The following PLEKHA7 variants were observed in gnomAD, a reference collection of about 807,000 sequenced individuals.
The protein encoded by PLEKHA7 is pleckstrin homology domain-containing family A member 7.
Under a neutral mutation model 170.0 loss-of-function variants are expected in PLEKHA7, and 104 were observed. The observed-to-expected ratio is 0.61, with a 90% CI of 0.52 to 0.72. The LOEUF is 0.72. Among genes scored for constraint, PLEKHA7 ranks in the 30% least tolerant of loss-of-function variants. The pLI, the probability that PLEKHA7 is intolerant of heterozygous loss-of-function variation, is 0.00. For missense variants in PLEKHA7, 1,615 were observed against 1,671.7 expected, an observed-to-expected ratio of 0.97 and a Z score of 0.59; for synonymous variants, 648 against 660.8, an observed-to-expected ratio of 0.98 and a Z score of 0.30.
In PLEKHA7 at chr11:16,786,372, C is replaced by A; in HGVS notation, c.3373G>T (p.Asp1125Tyr). Residue 1125 changes from aspartate (D) to tyrosine (Y), a missense_variant, in exon 24 of 27, where the codon GAC (aspartate) becomes TAC (tyrosine). Coordinates refer to ENST00000531066, the MANE Select transcript of PLEKHA7 (RefSeq NM_001329630.2). ...GDLGSWKREQDFDLQLLERVV... is the reference protein window; with the variant it reads ...GDLGSWKREQYFDLQLLERVV... Reference sequence around the variant, plus strand: ...CGTTCCAGCAACTGCAGGTCAAAGTCCTGCTCACGCTTCCACTGGCAACAG... The same window carrying A: ...CGTTCCAGCAACTGCAGGTCAAAGTACTGCTCACGCTTCCACTGGCAACAG... The A allele has an allele frequency of 6.5e-7, 1 of 1,536,172 alleles. No homozygotes were observed. Among genetic ancestry groups the A allele is most frequent in the Non-Finnish European group, 8.7e-7 (1 of 1,146,922 alleles).
rs1288210461 is a variant in PLEKHA7, at chr11:16,826,602, G to A, written c.873-12C>T. 6.2e-7 allele frequency: 1 copy of A among 1,603,872 alleles called. No individual in the cohort carries two copies. Among genetic ancestry groups the A allele is most frequent in the South Asian group, 1.1e-5 (1 of 90,142 alleles). ...CCTTCTCCATATCCCTGCAATGACA[G>A]CAGCACATTCAGTTTGCTCCACAGC... On this transcript the variant is annotated splice_polypyrimidine_tract_variant and intron_variant, in intron 9 of 26. Coordinates refer to ENST00000531066, the MANE Select transcript of PLEKHA7 (RefSeq NM_001329630.2).
chr11:16,879,867 T>G (rs954175672), intron 3 of PLEKHA7, among the ~76,000 whole-genome samples: 1 of 152,222 alleles, frequency 6.6e-6, no homozygotes, highest in Admixed American at 6.5e-5. Flanking sequence ...CCAATTCATT[T>G]TGCAAAGTAC....
intron 13 of PLEKHA7, among the ~76,000 whole-genome samples, chr11:16,805,598 T>C (rs1485959834): frequency 6.6e-6 from 1 of 152,008 alleles, no homozygotes; most frequent in Non-Finnish European, 1.5e-5. Context: ...AAGATCAGTC[T>C]GGCCAACATG....
intron 3 of PLEKHA7, among the ~76,000 whole-genome samples, chr11:16,893,916 A>G (rs1387925205): frequency 2.6e-5 from 4 of 152,224 alleles, no homozygotes; most frequent in African/African-American, 9.6e-5. Context: ...CAGAGGCTCC[A>G]GTAAAGCAGC....
Position 16,786,375 on chromosome 11 carries a change from G to C in PLEKHA7, c.3370C>G (p.Gln1124Glu), listed in dbSNP as rs1006706368. ...TCCAGCAACTGCAGGTCAAAGTCCTGCTCACGCTTCCACTGGCAACAGAAC... is the reference window on the plus strand; with the variant it reads ...TCCAGCAACTGCAGGTCAAAGTCCTCCTCACGCTTCCACTGGCAACAGAAC... ...PGDLGSWKREQDFDLQLLERV... is the reference protein window; with the variant it reads ...PGDLGSWKREEDFDLQLLERV... The change falls in exon 24 of 27, where the codon CAG becomes GAG. Residue 1124 changes from glutamine (Q) to glutamate (E), a missense_variant. Coordinates refer to ENST00000531066, the MANE Select transcript of PLEKHA7 (RefSeq NM_001329630.2). 1 of 1,536,012 alleles carries C rather than the reference G, an allele frequency of 6.5e-7. No individual in the cohort carries two copies. Among genetic ancestry groups the C allele is most frequent in the African/African-American group, 1.4e-5 (1 of 73,026 alleles).
Position 16,951,351 on chromosome 11 carries a change from TGAC to T in PLEKHA7, c.221+62635_221+62637del, listed in dbSNP as rs113391002. Among the ~76,000 whole-genome samples the T allele has an allele frequency of 4.2e-3, 633 of 152,238 alleles. 3 individuals are homozygous for T. Among genetic ancestry groups the T allele is most frequent in the African/African-American group, 0.014 (594 of 41,532 alleles). ...CATCAGTCTAAGAGGGGAGACATCA[TGAC>T]GATGATGATGATGATGATGACGAAG... On this transcript the variant is annotated intron_variant, in intron 3 of 26. Transcript: ENST00000531066.
intron 4 of PLEKHA7, 28 bp downstream of exon 4, chr11:16,871,071 G>C (rs1414900960): frequency 6.6e-7 from 1 of 1,524,396 alleles, no homozygotes; most frequent in African/African-American, 1.4e-5. Context: ...ACTCTGCCCA[G>C]ATAAGGAGAA....
intron 3 of PLEKHA7, among the ~76,000 whole-genome samples, chr11:16,892,282 A>G (rs1856670763): frequency 6.6e-6 from 1 of 152,174 alleles, no homozygotes; most frequent in African/African-American, 2.4e-5. Context: ...ATGAAGAAAT[A>G]TGTATGGTGG....
At chr11:16,886,997 C>G (rs1218511777) in intron 3 of PLEKHA7, among the ~76,000 whole-genome samples, 1 of 152,018 alleles carries the variant, frequency 6.6e-6, no homozygotes, top group African/African-American at 2.4e-5. Flanking sequence ...CAAATGATAA[C>G]CTGTCTTAGG....
Position 16,817,784 on chromosome 11 carries a change from GATTA to G in PLEKHA7, c.1344-466_1344-463del, listed in dbSNP as rs1182528871. ...TCTGGACTCTTCTAGTCCAGATACT[GATTA>G]ATTATCTCCCTCCAGACAACTCTGA... On this transcript the variant is annotated intron_variant, in intron 10 of 26. Coordinates refer to ENST00000531066, the MANE Select transcript of PLEKHA7 (RefSeq NM_001329630.2). The surrounding 1 kb of genome is among the most constrained non-coding windows in gnomAD (Gnocchi z 4.4). Among the ~76,000 whole-genome samples the G allele has an allele frequency of 5.3e-5, 8 of 152,150 alleles. No individual in the cohort carries two copies. The highest frequency in any genetic ancestry group is 1.9e-4 in the African/African-American group (8 of 41,446).
In PLEKHA7 at chr11:16,809,303, T is replaced by C. The variant is rs567901807; in HGVS notation, c.2007+3810A>G. 2.0e-4 allele frequency among the ~76,000 whole-genome samples: 31 copies of C among 152,188 alleles called. No homozygotes were observed. In the East Asian group the frequency reaches 2.7e-3, roughly 13 times the overall value. On this transcript the variant is annotated intron_variant, in intron 13 of 26. Coordinates refer to ENST00000531066, the MANE Select transcript of PLEKHA7 (RefSeq NM_001329630.2). ...ATTCTGGAAGCTGAGCATCAGCTGATTGGGGGGCAGGGGAAGATGGGCTCT... is the reference window on the plus strand; with the variant it reads ...ATTCTGGAAGCTGAGCATCAGCTGACTGGGGGGCAGGGGAAGATGGGCTCT...
intron 4 of PLEKHA7, among the ~76,000 whole-genome samples, chr11:16,861,626 G>A (rs2135537729): frequency 6.6e-6 from 1 of 152,100 alleles, no homozygotes; most frequent in East Asian, 1.9e-4. Context: ...TCCAGCCTTG[G>A]CACAGAGCAA....
chr11:16,905,958 TAGC>T (rs1489736896), intron 3 of PLEKHA7, among the ~76,000 whole-genome samples: 7 of 151,694 alleles, frequency 4.6e-5, no homozygotes. Context: ...CTTTCCTTGA[TAGC>T]AGCCCTCTAG....
intron 3 of PLEKHA7, among the ~76,000 whole-genome samples, chr11:17,003,704 G>A (rs1016253699): frequency 6.6e-6 from 1 of 152,156 alleles, no homozygotes; most frequent in Non-Finnish European, 1.5e-5. Flanking sequence ...CTTGGATACC[G>A]TCTCTTTACA....
intron 3 of PLEKHA7, among the ~76,000 whole-genome samples, chr11:16,952,207 G>A (rs1375242819): frequency 6.6e-6 from 1 of 152,176 alleles, no homozygotes; most frequent in Admixed American, 6.5e-5. Context: ...AATAAGTCCC[G>A]ATGAATGGAT....
At chr11:16,983,456 C>A (rs570509351) in intron 3 of PLEKHA7, among the ~76,000 whole-genome samples, 2 of 152,146 alleles carry the variant, frequency 1.3e-5, no homozygotes, top group African/African-American at 4.8e-5. Flanking sequence ...GGATGCCCAC[C>A]ATGAAGTCTG....
chr11:16,832,565 A>G (rs1242487324), intron 9 of PLEKHA7, among the ~76,000 whole-genome samples: 3 of 152,210 alleles, frequency 2.0e-5, no homozygotes, highest in African/African-American at 7.2e-5. Flanking sequence ...TCATCAGGCA[A>G]TGAGGAATAT....
chr11:16,925,611 G>T (rs1018330440), intron 3 of PLEKHA7, among the ~76,000 whole-genome samples: 4 of 152,214 alleles, frequency 2.6e-5, no homozygotes, highest in Non-Finnish European at 5.9e-5. Flanking sequence ...GGCTCCATGC[G>T]ACTGCTTCGC....
intron 3 of PLEKHA7, among the ~76,000 whole-genome samples, chr11:17,012,275 C>A (rs890971266): frequency 1.3e-5 from 2 of 151,552 alleles, no homozygotes; most frequent in Admixed American, 6.6e-5. Flanking sequence ...CAAAGCTTTG[C>A]GGCATTTACC....
Sources: gnomAD v4.1 joint callset for allele counts (sites outside exome capture counted in the v4.1 genomes callset) on GRCh38, gnomAD v4.1.1 for gene constraint, Gnocchi (gnomAD v3.1) non-coding constraint, MANE v1.5 for transcripts, NCBI Gene and HGNC (gene_info 2026-07-23, HGNC 2026-07-21) for gene names.